Variants in ISL1 observed in about 807,000 individuals in gnomAD.
ISL1 encodes ISL LIM homeobox 1, also known as insulin gene enhancer protein ISL-1.
In ISL1, 4 loss-of-function variants were observed where a neutral mutation model predicts 35.3. The observed-to-expected ratio is 0.11, with a 90% confidence interval of 0.06 to 0.26. ISL1 has a LOEUF of 0.26. ISL1 is among the 10% of genes least tolerant of loss of function. The pLI, the probability that ISL1 is intolerant of heterozygous loss-of-function variation, is 1.00. For synonymous variants in ISL1, 186 were observed against 172.3 expected, an observed-to-expected ratio of 1.08 and a Z score of -0.62; for missense variants, 340 against 472.8, an observed-to-expected ratio of 0.72 and a Z score of 2.60.
In ISL1 at chr5:51,383,543, C is replaced by T; in HGVS notation, c.-129C>T. The stretch of plus-strand genomic sequence containing the variant: ...AGGGCGCGGCGCAGCCGAGCAGCGG[C>T]TCTTTCAGCATTGGCAACCCCAGGG... On this transcript the variant is annotated 5_prime_UTR_variant, in exon 1 of 6. Coordinates refer to ENST00000230658, the MANE Select transcript of ISL1 (RefSeq NM_002202.3). The T allele has an allele frequency of 1.2e-6, 1 of 831,192 alleles. No homozygotes were observed. The highest frequency in any genetic ancestry group is 2.1e-6 in the Non-Finnish European group (1 of 471,864). The allele number at this position is 831,192 out of a possible 1,614,324, so 51.5% of individuals were successfully genotyped here.
chr5:51,384,805 G>A, intron 2 of ISL1, 75 bp downstream of exon 2: 2 of 1,409,034 alleles, frequency 1.4e-6, no homozygotes, highest in Admixed American at 1.7e-5. Context: ...ATTATTTGGT[G>A]TGGCTTTGTC....
rs1333561876 is a variant in ISL1, at chr5:51,391,612, C to A, written c.933+171C>A. Reference sequence around the variant, plus strand: ...GGGAGACAAATGCAGGGAAAACGAACCTCTTGGCATCTTTTTTTTTTTAAT... The same window carrying A: ...GGGAGACAAATGCAGGGAAAACGAAACTCTTGGCATCTTTTTTTTTTTAAT... On this transcript the variant is annotated intron_variant, in intron 5 of 5. Coordinates refer to ENST00000230658, the MANE Select transcript of ISL1 (RefSeq NM_002202.3). The A allele has an allele frequency of 4.8e-5, 33 of 687,472 alleles. 2 individuals are homozygous for A. Among genetic ancestry groups the A allele is most frequent in the South Asian group, 4.7e-4 (28 of 59,980 alleles). The allele number at this position is 687,472 out of a possible 1,614,324, so 42.6% of individuals were successfully genotyped here.
intron 5 of ISL1, among the ~76,000 whole-genome samples, chr5:51,393,138 C>G (rs542462386): frequency 1.1e-4 from 17 of 152,276 alleles, no homozygotes; most frequent in African/African-American, 4.1e-4. Context: ...CTCACCTACT[C>G]CCAGGGCAAC....
rs1273582378 is a variant in ISL1 at position 51,387,618 on chromosome 5, C to G, written c.347C>G (p.Pro116Arg). The G allele has an allele frequency of 2.5e-6, 4 of 1,614,124 alleles. No individual in the cohort carries two copies. The Admixed American group carries it at 5.0e-5, about 20-fold the overall frequency. The change falls in exon 3 of 6, where the codon CCT (proline) becomes CGT (arginine). Residue 116 changes from proline to arginine, a missense_variant. Physicochemically the swap from Pro to Arg is moderately radical, Grantham distance 103 (BLOSUM62 -2). Around this residue, in one of 7 missense-constraint regions of ISL1, gnomAD observed 94 missense variants for 102.1 expected, o/e 0.92. Transcript: ENST00000230658. This position sits in a 1 kb window ranked among gnomAD's most constrained non-coding sequence, Gnocchi z 4.3. ...GTGGCCTGCAGCCGCCAGCTCATCCCTGGGGACGAATTTGCGCTTCGGGAG... is the reference window on the plus strand; with the variant it reads ...GTGGCCTGCAGCCGCCAGCTCATCCGTGGGGACGAATTTGCGCTTCGGGAG... Reference protein sequence around the residue: ...RCVACSRQLIPGDEFALREDG... With the variant: ...RCVACSRQLIRGDEFALREDG...
intron 1 of ISL1, 36 bp downstream of exon 1, chr5:51,383,735 C>T (rs1747269466): frequency 6.3e-7 from 1 of 1,587,178 alleles, no homozygotes; most frequent in African/African-American, 1.3e-5. Context: ...GCTCGGTGTG[C>T]TGTTCTTGTG....
chr5:51,393,496 C>A lies in ISL1; in HGVS notation c.936C>A (p.Val312=). 1 of 1,597,944 alleles carries A rather than the reference C, an allele frequency of 6.3e-7. No homozygotes were observed. The highest frequency in any genetic ancestry group is 8.6e-7 in the Non-Finnish European group (1 of 1,165,358). The stretch of plus-strand genomic sequence containing the variant: ...TTATTTCTCAACCTTCTATGCAGGT[C>A]AATTTTTCAGAAGGAGGACCGGGCT... ...DIDQPAFQQL[V]NFSEGGPGSN... Residue 312 remains valine, a splice_region_variant and synonymous_variant, in exon 6 of 6, where the codon GTC becomes GTA. Coordinates refer to ENST00000230658, the MANE Select transcript of ISL1 (RefSeq NM_002202.3).
Position 51,383,652 on chromosome 5 carries a change from C to A in ISL1, c.-20C>A. The A allele has an allele frequency of 6.2e-7, 1 of 1,600,562 alleles. No individual in the cohort carries two copies. Among genetic ancestry groups the A allele is most frequent in the Non-Finnish European group, 8.6e-7 (1 of 1,167,552 alleles). On this transcript the variant is annotated 5_prime_UTR_variant, in exon 1 of 6. Coordinates refer to ENST00000230658, the MANE Select transcript of ISL1 (RefSeq NM_002202.3). Reference sequence around the variant, plus strand: ...TGTACAACCACCATTTCACTGTGGACATTACTCCCTCTTACAGATATGGGA... The same window carrying A: ...TGTACAACCACCATTTCACTGTGGAAATTACTCCCTCTTACAGATATGGGA...
At chr5:51,384,225 T>A (rs1168710614) in intron 1 of ISL1, among the ~76,000 whole-genome samples, 2 of 120,608 alleles carry the variant, frequency 1.7e-5, no homozygotes, top group Non-Finnish European at 3.3e-5. Context: ...TCTTTCCCAA[T>A]GATTATAGCA....
intron 1 of ISL1, 123 bp from the exon 2 acceptor site, chr5:51,384,418 A>T: frequency 5.4e-6 from 4 of 741,338 alleles, no homozygotes; most frequent in African/African-American, 2.0e-5. Context: ...AAAAAAAAAA[A>T]GAAAGAAAGA....
chr5:51,390,748 T>C (rs6859394), intron 4 of ISL1, among the ~76,000 whole-genome samples: 64,234 of 144,230 alleles, frequency 0.45, 15,266 homozygotes, highest in African/African-American at 0.62. Context: ...CTGGCCAAGA[T>C]TGGGCCAGGG....
intron 4 of ISL1, among the ~76,000 whole-genome samples, chr5:51,390,165 G>A (rs1747458556): frequency 6.6e-6 from 1 of 152,172 alleles, no homozygotes; most frequent in Non-Finnish European, 1.5e-5. Context: ...CGGGGGAGCA[G>A]CATCCAGGTC....
Position 51,387,598 on chromosome 5 carries a change from C to T in ISL1, c.327C>T (p.Ala109=). 1 of 1,614,254 alleles carries T rather than the reference C, an allele frequency of 6.2e-7. No individual in the cohort carries two copies. The highest frequency in any genetic ancestry group is 8.5e-7 in the Non-Finnish European group (1 of 1,180,054). Residue 109 remains alanine, a synonymous_variant, in exon 3 of 6, where the codon GCC becomes GCT. Coordinates refer to ENST00000230658, the MANE Select transcript of ISL1 (RefSeq NM_002202.3). This position sits in a 1 kb window ranked among gnomAD's most constrained non-coding sequence, Gnocchi z 4.3. ...VYHIECFRCV[A]CSRQLIPGDE... is the part of the protein sequence containing the mutation. Reference sequence around the variant, plus strand: ...ACATCGAGTGTTTCCGCTGTGTGGCCTGCAGCCGCCAGCTCATCCCTGGGG... The same window carrying T: ...ACATCGAGTGTTTCCGCTGTGTGGCTTGCAGCCGCCAGCTCATCCCTGGGG...
Position 51,393,709 on chromosome 5 carries a change from A to G in ISL1, c.*99A>G. 1.2e-6 allele frequency: 1 copy of G among 818,232 alleles called. No individual in the cohort carries two copies. The highest frequency in any genetic ancestry group is 1.7e-5 in the Admixed American group (1 of 58,416). 50.7% of individuals were successfully genotyped at this position (818,232 alleles called of 1,614,324 possible). A position where few individuals can be genotyped will look rare whatever the true frequency, so the allele number is the denominator to read the frequency against. The stretch of plus-strand genomic sequence containing the variant: ...GTATTTAACGACCCAGTCAATGAAA[A>G]CTGAATCAAGAAATGAATGCTCCAT... On this transcript the variant is annotated 3_prime_UTR_variant, in exon 6 of 6. Transcript: ENST00000230658.
rs560619780 is a variant in ISL1 at position 51,388,998 on chromosome 5, T to A, written c.479-648T>A. Among the ~76,000 whole-genome samples, 3 of 152,240 alleles carry A rather than the reference T, an allele frequency of 2.0e-5. No homozygotes were observed. The South Asian group carries it at 6.2e-4, about 32-fold the overall frequency. ...TTAGATTTAATACTAAGAGCAGGGA[T>A]TGGAGATATGGCAGAAATAGCGAAT... On this transcript the variant is annotated intron_variant, in intron 3 of 5. Transcript: ENST00000230658.
chr5:51,385,981 C>A (rs1177584579), intron 2 of ISL1, among the ~76,000 whole-genome samples: 1 of 151,498 alleles, frequency 6.6e-6, no homozygotes, highest in East Asian at 1.9e-4. Flanking sequence ...ATAAAATTAA[C>A]CTGGTTGGGG....
Position 51,393,969 on chromosome 5 carries a change from A to C in ISL1, c.*359A>C. On this transcript the variant is annotated 3_prime_UTR_variant, in exon 6 of 6. Coordinates refer to ENST00000230658, the MANE Select transcript of ISL1 (RefSeq NM_002202.3). ...TGCACATCTAGAGAAAAACAAAAAT[A>C]GAAAATTTTCTAGTCCATCCTAATC... 1 of 311,504 alleles carries C rather than the reference A, an allele frequency of 3.2e-6. No individual in the cohort carries two copies. The highest frequency in any genetic ancestry group is 3.1e-5 in the South Asian group (1 of 32,176). 19.3% of individuals were successfully genotyped at this position (311,504 alleles called of 1,614,324 possible).
chr5:51,390,051 CCGGGGCTG>C, intron 4 of ISL1, 119 bp downstream of exon 4: 1 of 1,209,430 alleles, frequency 8.3e-7, no homozygotes, highest in Middle Eastern at 2.4e-4. Flanking sequence ...AGGAGTTTGG[CCGGGGCTG>C]CCCCTCATCC....
chr5:51,383,449 A>G lies in ISL1; in HGVS notation c.-223A>G. The G allele has an allele frequency of 1.6e-6, 1 of 616,056 alleles. No homozygotes were observed. The highest frequency in any genetic ancestry group is 2.7e-5 in the East Asian group (1 of 36,536). 38.2% of individuals were successfully genotyped at this position (616,056 alleles called of 1,614,324 possible). The stretch of plus-strand genomic sequence containing the variant: ...GAAGAGAGGTGCCCGAGCCGCGCCG[A>G]GTCTGCCGCCGCCGCAGCGCCTCCG... On this transcript the variant is annotated 5_prime_UTR_variant, in exon 1 of 6. Coordinates refer to ENST00000230658, the MANE Select transcript of ISL1 (RefSeq NM_002202.3).
In ISL1 at chr5:51,387,351, C is replaced by T. The variant is rs894384314; in HGVS notation, c.219-139C>T. Reference sequence around the variant, plus strand: ...TTCATTTCTGTCCTTCTGTTTCCAACTTCTGTTTGGAAATGCTGTTTACTT... The same window carrying T: ...TTCATTTCTGTCCTTCTGTTTCCAATTTCTGTTTGGAAATGCTGTTTACTT... On this transcript the variant is annotated intron_variant, in intron 2 of 5. Coordinates refer to ENST00000230658, the MANE Select transcript of ISL1 (RefSeq NM_002202.3). This position sits in a 1 kb window ranked among gnomAD's most constrained non-coding sequence, Gnocchi z 4.3. 7 of 882,120 alleles carry T rather than the reference C, an allele frequency of 7.9e-6. No individual in the cohort carries two copies. The highest frequency in any genetic ancestry group is 9.1e-6 in the Non-Finnish European group (5 of 550,104). 54.6% of individuals were successfully genotyped at this position (882,120 alleles called of 1,614,324 possible).
Sources: allele counts gnomAD v4.1 joint callset (sites outside exome capture counted in the v4.1 genomes callset), GRCh38; gene constraint gnomAD v4.1.1; regional missense constraint gnomAD v4.1.1; non-coding constraint Gnocchi (gnomAD v3.1); transcripts MANE v1.5; gene names NCBI Gene and HGNC (gene_info 2026-07-23, HGNC 2026-07-21).